The following TUSC3 variants were observed in gnomAD, a reference collection of about 807,000 sequenced individuals.
TUSC3 encodes the protein tumor suppressor candidate 3.
TUSC3 carries 45 observed loss-of-function variants against 44.8 expected under a neutral mutation model. The ratio of observed to expected loss-of-function variants is 1.00; its 90% CI spans 0.79 to 1.29. The LOEUF (loss-of-function observed/expected upper bound fraction) is 1.29, where lower values mean the gene tolerates loss of function less well. TUSC3 is among the 50% of genes most tolerant of loss of function. The probability of loss-of-function intolerance (pLI) is 0.00; values close to 1 mark genes in which losing one functional copy is unlikely to be tolerated. For missense variants in TUSC3, 519 were observed against 437.9 expected (o/e 1.19, Z -1.65); for synonymous variants, 212 against 152.9 (o/e 1.39, Z -2.85).
the TUSC3 span, among the ~76,000 whole-genome samples, chr8:15,812,498 A>C: frequency 0.022 from 3,388 of 152,276 alleles, 128 homozygotes; most frequent in African/African-American, 0.078. Flanking sequence ...ACTGCTGTAA[A>C]AATATGGCCG....
chr8:15,772,490 C>G, the TUSC3 span, among the ~76,000 whole-genome samples: 1 of 152,136 alleles, frequency 6.6e-6, no homozygotes, highest in East Asian at 1.9e-4. Context: ...AAAATATGGA[C>G]AGACCTCTTA....
At position 15,612,252 on chromosome 8, in the gene TUSC3, C is replaced by T. The variant is rs562991802; in HGVS notation, c.139-10828C>T. Among the ~76,000 whole-genome samples, 9 of 152,256 alleles carry T rather than the reference C, an allele frequency of 5.9e-5. No homozygotes were observed. The South Asian group carries it at 1.9e-3, about 32-fold the overall frequency. Reference sequence around the variant, plus strand: ...AACAAACACGTGAATAGCTGCCCCCCTGGCAGAGGCATCTTGGTTAAAGAC... The same window carrying T: ...AACAAACACGTGAATAGCTGCCCCCTTGGCAGAGGCATCTTGGTTAAAGAC... On this transcript the variant is annotated intron_variant, in intron 1 of 10. Coordinates refer to ENST00000503731, the MANE Select transcript of TUSC3 (RefSeq NM_006765.4).
intron 2 of TUSC3, among the ~76,000 whole-genome samples, chr8:15,483,682 G>C (rs1385578613): frequency 3.3e-5 from 2 of 61,074 alleles, no homozygotes. Flanking sequence ...TTGAGACTAA[G>C]TTTCGCTCTG....
chr8:15,683,575 G>C (rs1808509110), intron 6 of TUSC3, among the ~76,000 whole-genome samples: 1 of 152,124 alleles, frequency 6.6e-6, no homozygotes, highest in South Asian at 2.1e-4. Context: ...TTGGAGTTCA[G>C]CTTCCTCTTG....
chr8:15,671,150 T>TC (rs1341388912), intron 5 of TUSC3, among the ~76,000 whole-genome samples: 1 of 151,960 alleles, frequency 6.6e-6, no homozygotes, highest in Non-Finnish European at 1.5e-5. Flanking sequence ...AGCTGAGTAT[T>TC]TACATACTCT....
chr8:15,572,727 A>G (rs1416238123), intron 1 of TUSC3, among the ~76,000 whole-genome samples: 2 of 152,212 alleles, frequency 1.3e-5, no homozygotes, highest in African/African-American at 4.8e-5. Flanking sequence ...TTGTTGGGTT[A>G]TTCATTGGCC....
chr8:15,704,876 A>G lies in TUSC3; in HGVS notation c.799-25790A>G, dbSNP rs557557336. On this transcript the variant is annotated intron_variant, in intron 6 of 10. Coordinates refer to ENST00000503731, the MANE Select transcript of TUSC3 (RefSeq NM_006765.4). ...TCAAAAGGGTTAAGTGATTTGCCCA[A>G]AAGCACATAACAAGTTAATCACAAA... Among the ~76,000 whole-genome samples the G allele has an allele frequency of 3.5e-4, 53 of 152,102 alleles. 1 individual carries two copies. Among genetic ancestry groups the G allele is most frequent in the Admixed American group, 7.2e-4 (11 of 15,244 alleles).
At chr8:15,545,945 T>G (rs1028330733) in intron 1 of TUSC3, among the ~76,000 whole-genome samples, 3 of 151,750 alleles carry the variant, frequency 2.0e-5, no homozygotes, top group Non-Finnish European at 4.4e-5. Context: ...CATATCAGAC[T>G]ATAAATTGCT....
At chr8:15,826,102 G>C in the TUSC3 span, among the ~76,000 whole-genome samples, 2 of 152,070 alleles carry the variant, frequency 1.3e-5, no homozygotes, top group African/African-American at 4.8e-5. Flanking sequence ...TGAGCTCAGA[G>C]TTTCCAGTGC....
intron 2 of TUSC3, among the ~76,000 whole-genome samples, chr8:15,499,310 T>A (rs1800924788): frequency 6.6e-6 from 1 of 152,246 alleles, no homozygotes. Context: ...AAGGCACAGG[T>A]CAAAGTGTGC....
intron 2 of TUSC3, among the ~76,000 whole-genome samples, chr8:15,491,621 G>A (rs1170463222): frequency 6.6e-6 from 1 of 152,132 alleles, no homozygotes; most frequent in Non-Finnish European, 1.5e-5. Context: ...ATTGTTTTGG[G>A]AAGTGATTCT....
chr8:15,583,105 A>G (rs191511597), intron 1 of TUSC3, among the ~76,000 whole-genome samples: 150 of 152,348 alleles, frequency 9.8e-4, no homozygotes, highest in Admixed American at 1.6e-3. Context: ...GCTAGTAAAA[A>G]TTACCCCATG....
chr8:15,780,451 G>GA, the TUSC3 span, among the ~76,000 whole-genome samples: 8 of 151,868 alleles, frequency 5.3e-5, no homozygotes, highest in African/African-American at 1.7e-4. Context: ...CTAGACCACA[G>GA]AAAAAAAAGT....
In TUSC3 at chr8:15,497,632, T is replaced by C. The variant is rs940671647; in HGVS notation, n.189+14149T>C. ...AGAATACGAATATAGACAATTATGTTGTGGAGTTTTGCTATGAAGGAGGAC... is the reference window on the plus strand; with the variant it reads ...AGAATACGAATATAGACAATTATGTCGTGGAGTTTTGCTATGAAGGAGGAC... On this transcript the variant is annotated intron_variant and non_coding_transcript_variant, in intron 2 of 5. Transcript: ENST00000503191. 5.9e-5 allele frequency among the ~76,000 whole-genome samples: 9 copies of C among 152,198 alleles called. No homozygotes were observed. The East Asian group carries it at 7.7e-4, about 13-fold the overall frequency.
At chr8:15,523,583 G>C (rs1801326382) in intron 2 of TUSC3, among the ~76,000 whole-genome samples, 1 of 148,376 alleles carries the variant, frequency 6.7e-6, no homozygotes. Flanking sequence ...TAAATGCCTT[G>C]CCGACTTTCC....
At position 15,445,295 on chromosome 8, in the gene TUSC3, C is replaced by G. The variant is rs866470183; in HGVS notation, n.91+27990C>G. On this transcript the variant is annotated intron_variant and non_coding_transcript_variant, in intron 1 of 5. Coordinates refer to the TUSC3 transcript ENST00000503191. The stretch of plus-strand genomic sequence containing the variant: ...TCCAGGAAAAAGTAAAACTCTAAAA[C>G]TGATCTATCCCAGGATTTTATTTTT... Among the ~76,000 whole-genome samples, 5 of 152,042 alleles carry G rather than the reference C, an allele frequency of 3.3e-5. 1 individual carries two copies. Among genetic ancestry groups the G allele is most frequent in the Middle Eastern group, 6.8e-3 (2 of 292 alleles).
chr8:15,605,651 G>A (rs561666847), intron 1 of TUSC3, among the ~76,000 whole-genome samples: 1 of 151,794 alleles, frequency 6.6e-6, no homozygotes, highest in Non-Finnish European at 1.5e-5. Context: ...GGCATAAAAT[G>A]TATATACATA....
chr8:15,486,391 A>G (rs547470540), intron 2 of TUSC3, among the ~76,000 whole-genome samples: 1 of 152,222 alleles, frequency 6.6e-6, no homozygotes, highest in South Asian at 2.1e-4. Flanking sequence ...CTTGGTTTTA[A>G]TATTATTTTG....
chr8:15,710,802 T>C (rs1809811641), intron 6 of TUSC3, among the ~76,000 whole-genome samples: 1 of 148,342 alleles, frequency 6.7e-6, no homozygotes, highest in African/African-American at 2.4e-5. Context: ...TTTATAAATA[T>C]ATATATTTGC....
Sources: gnomAD v4.1 joint callset for allele counts (sites outside exome capture counted in the v4.1 genomes callset) on GRCh38, gnomAD v4.1.1 for gene constraint, MANE v1.5 for transcripts, NCBI Gene and HGNC (gene_info 2026-07-23, HGNC 2026-07-21) for gene names.